The following FANCL variants were observed in gnomAD, a reference collection of about 807,000 sequenced individuals.
The protein encoded by FANCL is E3 ubiquitin-protein ligase FANCL.
A neutral mutation model predicts 59.4 loss-of-function variants in FANCL; 69 were observed. That is an observed-to-expected ratio of 1.16 (90% CI 0.96 to 1.42). FANCL has a LOEUF of 1.42. FANCL is among the 40% of genes most tolerant of loss of function. The probability of loss-of-function intolerance (pLI) is 0.00; values close to 1 mark genes in which losing one functional copy is unlikely to be tolerated. For missense variants in FANCL, 519 were observed against 447.2 expected (o/e 1.16, Z -1.45); for synonymous variants, 180 against 147.1 (o/e 1.22, Z -1.62).
At chr2:58,177,552 A>T (rs1687464313) in intron 7 of FANCL, among the ~76,000 whole-genome samples, 1 of 144,304 alleles carries the variant, frequency 6.9e-6, no homozygotes, top group Non-Finnish European at 1.5e-5. Flanking sequence ...AACACCGCAT[A>T]TTCTCACTCA....
intron 7 of FANCL, among the ~76,000 whole-genome samples, chr2:58,187,629 G>A (rs1337339701): frequency 6.6e-6 from 1 of 151,906 alleles, no homozygotes; most frequent in Admixed American, 6.5e-5. Flanking sequence ...TGATTTCTAG[G>A]CAGAAAAAGA....
At chr2:58,179,672 T>A (rs1687725990) in intron 7 of FANCL, among the ~76,000 whole-genome samples, 1 of 152,166 alleles carries the variant, frequency 6.6e-6, no homozygotes, top group Non-Finnish European at 1.5e-5. Flanking sequence ...TACATTGGCA[T>A]GGGCAAAGAC....
intron 7 of FANCL, among the ~76,000 whole-genome samples, chr2:58,197,758 A>G (rs1689571393): frequency 6.6e-6 from 1 of 152,240 alleles, no homozygotes; most frequent in South Asian, 2.1e-4. Context: ...AAGATGAACT[A>G]AGGACAAATA....
In FANCL at chr2:58,177,898, T is replaced by G. The variant is rs367892841; in HGVS notation, c.541-12024A>C. On this transcript the variant is annotated intron_variant, in intron 7 of 13. Transcript: ENST00000233741. Reference sequence around the variant, plus strand: ...TCAAATAGACACAATAAAAAAATGATGAAGGGGATATCGCCACTGATCCTA... The same window carrying G: ...TCAAATAGACACAATAAAAAAATGAGGAAGGGGATATCGCCACTGATCCTA... Among the ~76,000 whole-genome samples the G allele has an allele frequency of 3.3e-5, 5 of 150,740 alleles. 1 individual carries two copies. Among genetic ancestry groups the G allele is most frequent in the African/African-American group, 1.2e-4 (5 of 41,070 alleles).
At chr2:58,219,574 G>A (rs562011152) in intron 5 of FANCL, among the ~76,000 whole-genome samples, 1 of 152,026 alleles carries the variant, frequency 6.6e-6, no homozygotes, top group African/African-American at 2.4e-5. Context: ...ACCTCACCAG[G>A]TAATCAAGAT....
chr2:58,163,728 A>G (rs1573520307), intron 8 of FANCL, among the ~76,000 whole-genome samples: 1 of 152,038 alleles, frequency 6.6e-6, no homozygotes, highest in African/African-American at 2.4e-5. Context: ...CTTAAATTTC[A>G]GCCAGTCAAC....
At chr2:58,240,589 T>C (rs1237913298) in intron 1 of FANCL, among the ~76,000 whole-genome samples, 2 of 152,214 alleles carry the variant, frequency 1.3e-5, no homozygotes, top group Non-Finnish European at 2.9e-5. Flanking sequence ...GTGAACTATT[T>C]ACCTGGAAAG....
At chr2:58,191,596 T>C (rs181383566) in intron 7 of FANCL, among the ~76,000 whole-genome samples, 33 of 152,034 alleles carry the variant, frequency 2.2e-4, no homozygotes, top group East Asian at 9.6e-4. Flanking sequence ...TTTTTGAGCA[T>C]AGAAAACTCC....
rs1236853333 is a variant in FANCL, at chr2:58,159,702, C to G, written c.*63G>C. 1.2e-6 allele frequency: 2 copies of G among 1,611,662 alleles called. No homozygotes were observed. Among genetic ancestry groups the G allele is most frequent in the African/African-American group, 2.7e-5 (2 of 74,674 alleles). ...CTTTATTTTTTCTCTGAAGATGATA[C>G]CAAAATTCCTTTTGATAATTTTTTA... On this transcript the variant is annotated 3_prime_UTR_variant, in exon 14 of 14. Coordinates refer to ENST00000233741, the MANE Select transcript of FANCL (RefSeq NM_018062.4).
At chr2:58,194,472 T>A (rs545110191) in intron 7 of FANCL, among the ~76,000 whole-genome samples, 1 of 152,336 alleles carries the variant, frequency 6.6e-6, no homozygotes, top group Non-Finnish European at 1.5e-5. Context: ...TCATCGTCTA[T>A]GCTAAAATCT....
At chr2:58,202,299 G>A (rs1690121576) in intron 6 of FANCL, among the ~76,000 whole-genome samples, 1 of 142,864 alleles carries the variant, frequency 7.0e-6, no homozygotes. Flanking sequence ...TGTTTCCCCA[G>A]TGATTACTAG....
At chr2:58,195,685 T>C (rs1349344560) in intron 7 of FANCL, among the ~76,000 whole-genome samples, 2 of 151,892 alleles carry the variant, frequency 1.3e-5, no homozygotes, top group Admixed American at 6.6e-5. Flanking sequence ...AAAATATAGA[T>C]AAAATGTTTA....
At chr2:58,199,784 T>G (rs555835500) in intron 6 of FANCL, among the ~76,000 whole-genome samples, 1 of 152,196 alleles carries the variant, frequency 6.6e-6, no homozygotes, top group East Asian at 1.9e-4. Flanking sequence ...CTAAATGTAC[T>G]GAAAGAAAAT....
At chr2:58,189,442 T>C in intron 7 of FANCL, among the ~76,000 whole-genome samples, 1 of 151,756 alleles carries the variant, frequency 6.6e-6, no homozygotes, top group East Asian at 1.9e-4. Context: ...TGCAGAAGAG[T>C]TCATACACCC....
chr2:58,239,448 T>A (rs1694314524), intron 1 of FANCL, among the ~76,000 whole-genome samples: 1 of 152,308 alleles, frequency 6.6e-6, no homozygotes, highest in East Asian at 1.9e-4. Flanking sequence ...TCTTTAAAAA[T>A]GTCTAGCTTA....
At position 58,165,774 on chromosome 2, in the gene FANCL, A is replaced by G. The variant is rs766618785; in HGVS notation, c.641T>C (p.Leu214Pro). ...MDEIDEKTWVLEPEKPPRSAT... is the reference protein window; with the variant it reads ...MDEIDEKTWVPEPEKPPRSAT... ...ACTCCGTGGAGGTTTTTCTGGCTCA[A>G]GTACCCAGGTCTTCTCATCGATTTC... The change falls in exon 8 of 14, where the codon CTT becomes CCT. Residue 214 changes from leucine (L) to proline (P), a missense_variant. By Grantham distance (98) the Leu-to-Pro change is moderately conservative. Transcript: ENST00000233741. 6 of 1,614,034 alleles carry G rather than the reference A, an allele frequency of 3.7e-6. No homozygotes were observed. The highest frequency in any genetic ancestry group is 2.2e-5 in the East Asian group (1 of 44,888).
chr2:58,181,071 A>C (rs1357428053), intron 7 of FANCL, among the ~76,000 whole-genome samples: 1 of 152,108 alleles, frequency 6.6e-6, no homozygotes, highest in Non-Finnish European at 1.5e-5. Flanking sequence ...AAAAGTGAAA[A>C]GATATATCCA....
At chr2:58,225,920 G>A (rs746603917) in intron 4 of FANCL, among the ~76,000 whole-genome samples, 2 of 152,108 alleles carry the variant, frequency 1.3e-5, no homozygotes, top group Admixed American at 6.5e-5. Context: ...AATATAATGT[G>A]AGGACCTTGT....
At chr2:58,228,719 A>T (rs1693276905) in intron 3 of FANCL, among the ~76,000 whole-genome samples, 1 of 152,250 alleles carries the variant, frequency 6.6e-6, no homozygotes, top group Non-Finnish European at 1.5e-5. Context: ...AGTAATATTC[A>T]CTGGGACTGT....
Sources: gnomAD v4.1 joint callset for allele counts (sites outside exome capture counted in the v4.1 genomes callset) on GRCh38, gnomAD v4.1.1 for gene constraint, MANE v1.5 for transcripts, NCBI Gene and HGNC (gene_info 2026-07-23, HGNC 2026-07-21) for gene names.